Variants in ATAD2B observed in about 807,000 individuals in gnomAD.
ATAD2B encodes the protein ATPase family AAA domain containing 2B.
ATAD2B carries 40 observed loss-of-function variants against 167.6 expected under a neutral mutation model. The observed-to-expected ratio is 0.24, with a 90% CI of 0.19 to 0.31. ATAD2B has a LOEUF of 0.31. Ranked by LOEUF, ATAD2B falls within the 10% of genes least tolerant of loss-of-function variation. The pLI is 1.00. For synonymous variants in ATAD2B, 579 were observed against 596.5 expected, an observed-to-expected ratio of 0.97 and a Z score of 0.43; for missense variants, 1,242 against 1,757.2, an observed-to-expected ratio of 0.71 and a Z score of 5.24.
At chr2:23,715,548 TG>T in the ATAD2B span, among the ~76,000 whole-genome samples, 1 of 151,880 alleles carries the variant, frequency 6.6e-6, no homozygotes, top group South Asian at 2.1e-4. Context: ...CACTCCAGCC[TG>T]GGCAACAGAG....
chr2:23,781,744 TTTTTC>T (rs1459589629), intron 22 of ATAD2B, among the ~76,000 whole-genome samples: 2 of 151,992 alleles, frequency 1.3e-5, no homozygotes, highest in African/African-American at 4.8e-5. Context: ...TTCTTTTTTT[TTTTTC>T]TTGTCTTTCC....
chr2:23,871,308 T>C (rs1695938108), intron 8 of ATAD2B, among the ~76,000 whole-genome samples: 1 of 152,044 alleles, frequency 6.6e-6, no homozygotes, highest in South Asian at 2.1e-4. Context: ...ACATTTGCCA[T>C]GATCTTACCT....
chr2:23,895,932 T>C lies in ATAD2B; in HGVS notation c.255A>G (p.Val85=), dbSNP rs780695531. The C allele has an allele frequency of 1.5e-5, 25 of 1,613,180 alleles. No individual in the cohort carries two copies. The East Asian group carries it at 1.6e-4, about 10-fold the overall frequency. The stretch of plus-strand genomic sequence containing the variant: ...TCAAAGTGCGTTTGGCTGGAGGAGA[T>C]ACGTGGCTATCACTTAAACTACCAT... ...EVDGSLSDSH[V]SPPAKRTLKQ... The change falls in exon 2 of 28, where the codon GTA becomes GTG. Residue 85 remains valine (V), a synonymous_variant. Coordinates refer to ENST00000238789, the MANE Select transcript of ATAD2B (RefSeq NM_017552.4).
At chr2:23,690,221 T>A in the ATAD2B span, 2 of 151,852 alleles carry the variant, frequency 1.3e-5, no homozygotes, top group African/African-American at 4.8e-5. Flanking sequence ...TAGGGAAGAG[T>A]CTCGTGGGAA....
the ATAD2B span, among the ~76,000 whole-genome samples, chr2:23,737,364 T>C: frequency 1.3e-5 from 2 of 152,168 alleles, no homozygotes; most frequent in Admixed American, 1.3e-4. Context: ...AGAGGAACGA[T>C]CAGGCAGCAG....
At chr2:23,731,771 T>C in the ATAD2B span, among the ~76,000 whole-genome samples, 1 of 152,126 alleles carries the variant, frequency 6.6e-6, no homozygotes, top group Non-Finnish European at 1.5e-5. Flanking sequence ...AGGCCAGAAG[T>C]TCAAGACCAG....
intron 13 of ATAD2B, among the ~76,000 whole-genome samples, chr2:23,845,333 T>A (rs956016863): frequency 6.6e-6 from 1 of 152,126 alleles, no homozygotes. Context: ...GTGTGTTGTA[T>A]AGCCATACAA....
chr2:23,811,823 A>G (rs1685641288), intron 17 of ATAD2B, among the ~76,000 whole-genome samples: 1 of 152,090 alleles, frequency 6.6e-6, no homozygotes, highest in South Asian at 2.1e-4. Context: ...CAGCAGGAAC[A>G]AACTAAAACA....
chr2:23,895,203 T>C (rs184715885), intron 2 of ATAD2B, among the ~76,000 whole-genome samples: 22 of 152,140 alleles, frequency 1.4e-4, no homozygotes, highest in Admixed American at 1.1e-3. Context: ...TTGCATAAAA[T>C]AGAAGTTAAA....
chr2:23,815,034 C>T (rs1426914693), intron 17 of ATAD2B, among the ~76,000 whole-genome samples: 1 of 92,634 alleles, frequency 1.1e-5, no homozygotes, highest in East Asian at 2.8e-4. Context: ...CCAGCCTGGG[C>T]AAAAAGAATG....
chr2:23,835,791 C>T (rs1689837504), intron 13 of ATAD2B, among the ~76,000 whole-genome samples: 1 of 152,068 alleles, frequency 6.6e-6, no homozygotes, highest in Admixed American at 6.6e-5. Flanking sequence ...CAAAAATTAG[C>T]TCGGTGCGGT....
At chr2:23,680,965 A>C in the ATAD2B span, among the ~76,000 whole-genome samples, 56 of 152,212 alleles carry the variant, frequency 3.7e-4, no homozygotes, top group African/African-American at 1.3e-3. The surrounding 1 kb of genome is among the most constrained non-coding windows in gnomAD (Gnocchi z 4.1). Flanking sequence ...AGATCTCCCC[A>C]GACCCCGCAG....
intron 8 of ATAD2B, among the ~76,000 whole-genome samples, chr2:23,875,134 T>C (rs986598741): frequency 4.0e-5 from 6 of 151,568 alleles, no homozygotes; most frequent in African/African-American, 7.3e-5. Flanking sequence ...GAAACCAATG[T>C]GGGTCATTTA....
intron 1 of ATAD2B, among the ~76,000 whole-genome samples, chr2:23,907,101 T>G (rs888968112): frequency 0.012 from 1,800 of 151,252 alleles, 18 homozygotes; most frequent in Middle Eastern, 0.037. Context: ...CAACATAGTG[T>G]TGGAAGTTCT....
At chr2:23,827,178 C>G (rs1688382814) in intron 15 of ATAD2B, among the ~76,000 whole-genome samples, 1 of 151,598 alleles carries the variant, frequency 6.6e-6, no homozygotes, top group Non-Finnish European at 1.5e-5. Flanking sequence ...ATGTCACTGT[C>G]CAGGAAGAAA....
Position 23,926,605 on chromosome 2 carries a change from C to T in ATAD2B, c.166G>A (p.Ala56Thr). The change falls in exon 1 of 28, where the codon GCC (alanine) becomes ACC (threonine). Residue 56 changes from alanine (A) to threonine (T), a missense_variant. Transcript: ENST00000238789. ...SKTRAASCPA[A>T]KAGGSGGAGV... Reference sequence around the variant, plus strand: ...GCGCCACCGCTTCCCCCGGCTTTGGCGGCGGGGCAGCTGGCGGCGCGGGTC... The same window carrying T: ...GCGCCACCGCTTCCCCCGGCTTTGGTGGCGGGGCAGCTGGCGGCGCGGGTC... The T allele has an allele frequency of 6.4e-7, 1 of 1,563,338 alleles. No homozygotes were observed. The highest frequency in any genetic ancestry group is 2.4e-5 in the East Asian group (1 of 41,968).
chr2:23,888,067 T>A, intron 3 of ATAD2B, 82 bp from the exon 4 acceptor site: 3 of 1,198,054 alleles, frequency 2.5e-6, no homozygotes, highest in Non-Finnish European at 1.1e-6. Context: ...AAATTACTTT[T>A]AAAAGACTAC....
the ATAD2B span, among the ~76,000 whole-genome samples, chr2:23,720,565 C>A: frequency 7.9e-6 from 1 of 127,158 alleles, no homozygotes; most frequent in Non-Finnish European, 1.6e-5. Flanking sequence ...GGTGACAGAG[C>A]GAGACTCCGT....
the ATAD2B span, among the ~76,000 whole-genome samples, chr2:23,716,838 C>T: frequency 1.7e-4 from 26 of 152,302 alleles, no homozygotes; most frequent in African/African-American, 5.8e-4. Context: ...TACATGGACC[C>T]CACCTCCAAC....
Sources: allele counts gnomAD v4.1 joint callset (sites outside exome capture counted in the v4.1 genomes callset), GRCh38; gene constraint gnomAD v4.1.1; non-coding constraint Gnocchi (gnomAD v3.1); transcripts MANE v1.5; gene names NCBI Gene and HGNC (gene_info 2026-07-23, HGNC 2026-07-21).